PKD1L3: variants seen among roughly 807,000 people sequenced by gnomAD.
PKD1L3 encodes the protein polycystin-1-like protein 3.
PKD1L3 carries 239 observed loss-of-function variants against 184.1 expected under a neutral mutation model. The observed-to-expected ratio is 1.30, with a 90% CI of 1.17 to 1.45. The LOEUF (loss-of-function observed/expected upper bound fraction) is 1.45, where lower values mean the gene tolerates loss of function less well. Ranked by LOEUF, PKD1L3 falls within the 40% of genes most tolerant of loss-of-function variation. The probability of loss-of-function intolerance (pLI) is 0.00; values close to 1 mark genes in which losing one functional copy is unlikely to be tolerated. For synonymous variants in PKD1L3, 996 were observed against 778.8 expected (o/e 1.28, Z -4.64); for missense variants, 2,660 against 2,067.2 (o/e 1.29, Z -5.56).
chr16:71,990,319 A>G lies in PKD1L3; in HGVS notation c.546T>C (p.His182=). 6.5e-7 allele frequency: 1 copy of G among 1,548,222 alleles called. No homozygotes were observed. ...ARDKMPPGPG[H]LPTTCHYPLP... ...GAGGATAGTGACATGTGGTTGGAAG[A>G]TGACCAGGTCCTATAGAAAAAAGAA... The change falls in exon 4 of 30, where the codon CAT becomes CAC. Residue 182 remains histidine, a synonymous_variant. Coordinates refer to ENST00000620267, the MANE Select transcript of PKD1L3 (RefSeq NM_181536.2).
rs948161268 is a variant in PKD1L3, at chr16:71,969,979, C to T, written c.2080G>A (p.Val694Met). 7.2e-5 allele frequency: 112 copies of T among 1,551,624 alleles called. No individual in the cohort carries two copies. Among genetic ancestry groups the T allele is most frequent in the Non-Finnish European group, 8.8e-5 (101 of 1,147,034 alleles). ...GACACCCCAACAGGATTGTTGGTCACGCGAAGGAACAGTTTGATCGTGTCT... is the reference window on the plus strand; with the variant it reads ...GACACCCCAACAGGATTGTTGGTCATGCGAAGGAACAGTTTGATCGTGTCT... ...VEDTIKLFLR[V>M]TNNPVGVSLL... Residue 694 changes from valine to methionine, a missense_variant, in exon 13 of 30, where the codon GTG becomes ATG. By Grantham distance (21) the Val-to-Met change is conservative. Coordinates refer to ENST00000620267, the MANE Select transcript of PKD1L3 (RefSeq NM_181536.2).
At chr16:71,946,763 T>C (rs542935351) in intron 22 of PKD1L3, among the ~76,000 whole-genome samples, 17 of 27,816 alleles carry the variant, frequency 6.1e-4, no homozygotes, top group African/African-American at 3.4e-3. Flanking sequence ...TGGAGGCATC[T>C]AGCTCCAGAT....
chr16:71,957,308 T>C (rs969534922), intron 16 of PKD1L3, among the ~76,000 whole-genome samples: 1 of 151,982 alleles, frequency 6.6e-6, no homozygotes, highest in African/African-American at 2.4e-5. Context: ...ACAAAAAAGA[T>C]ACAATACGTA....
intron 7 of PKD1L3, among the ~76,000 whole-genome samples, chr16:71,980,701 G>A (rs936046580): frequency 1.3e-5 from 2 of 152,148 alleles, no homozygotes; most frequent in Non-Finnish European, 2.9e-5. Flanking sequence ...CAGGCATGGT[G>A]GTGTGCACCT....
intron 19 of PKD1L3, among the ~76,000 whole-genome samples, chr16:71,950,963 G>C (rs1046193193): frequency 1.3e-5 from 2 of 149,128 alleles, no homozygotes; most frequent in African/African-American, 5.0e-5. Context: ...GGCTGGTTTT[G>C]AACTTCTGAC....
In PKD1L3 at chr16:71,972,504, C is replaced by T. The variant is rs117764996; in HGVS notation, c.1953+820G>A. ...TTCAAGACCAGCATAGGCACCATGGCGAGACCCTGTCTGTTCAAAAATCTA... is the reference window on the plus strand; with the variant it reads ...TTCAAGACCAGCATAGGCACCATGGTGAGACCCTGTCTGTTCAAAAATCTA... On this transcript the variant is annotated intron_variant, in intron 12 of 29. Coordinates refer to ENST00000620267, the MANE Select transcript of PKD1L3 (RefSeq NM_181536.2). 3.5e-4 allele frequency among the ~76,000 whole-genome samples: 54 copies of T among 152,162 alleles called. No individual in the cohort carries two copies. In the East Asian group the frequency reaches 5.8e-3, roughly 16 times the overall value.
intron 7 of PKD1L3, 112 bp from the exon 8 acceptor site, chr16:71,980,246 G>C (rs990457764): frequency 6.0e-5 from 80 of 1,333,390 alleles, no homozygotes; most frequent in Non-Finnish European, 7.9e-5. Context: ...TGTAATGAAG[G>C]GTAGTATTCC....
chr16:71,980,300 G>C (rs921669671), intron 7 of PKD1L3, among the ~76,000 whole-genome samples, 166 bp from the exon 8 acceptor site: 3 of 152,144 alleles, frequency 2.0e-5, no homozygotes, highest in Non-Finnish European at 2.9e-5. Context: ...TTGCAACCTG[G>C]CTAAAGACTT....
chr16:71,978,494 TGTA>T, intron 9 of PKD1L3, 111 bp from the exon 10 acceptor site: 1 of 110,602 alleles, frequency 9.0e-6, no homozygotes, highest in Non-Finnish European at 1.4e-5. Flanking sequence ...TGTGTGTGTG[TGTA>T]TATATATATA....
At position 71,967,215 on chromosome 16, in the gene PKD1L3, AG is replaced by A. The variant is rs1361450077; in HGVS notation, c.2386del (p.Leu796PhefsTer8). The A allele has an allele frequency of 6.4e-7, 1 of 1,551,594 alleles. No individual in the cohort carries two copies. ...CCCTAGAGAGGTCCAAGTGGTGAGA[AG>A]GAAGACATCCAGGCCCCCTCGTTCA... Reference protein sequence around the residue: ...VFERGGLDVFLLTTWTSLGNL... With the variant: ...VFERGGLDVFXLTTWTSLGNL... On this transcript the variant is annotated frameshift_variant, in exon 15 of 30. Coordinates refer to ENST00000620267, the MANE Select transcript of PKD1L3 (RefSeq NM_181536.2). LOFTEE classifies it high-confidence loss of function.
intron 15 of PKD1L3, among the ~76,000 whole-genome samples, chr16:71,966,840 C>T (rs976084715): frequency 6.6e-6 from 1 of 152,108 alleles, no homozygotes; most frequent in African/African-American, 2.4e-5. Flanking sequence ...TAATTTGTGG[C>T]ACTTTCAGGC....
chr16:71,945,346 A>G (rs2038552351), intron 22 of PKD1L3, among the ~76,000 whole-genome samples: 1 of 119,226 alleles, frequency 8.4e-6, no homozygotes, highest in African/African-American at 3.1e-5. Context: ...ACACACATAT[A>G]TTTATATATG....
chr16:71,966,899 A>G (rs1399918153), intron 15 of PKD1L3, among the ~76,000 whole-genome samples: 1 of 152,224 alleles, frequency 6.6e-6, no homozygotes. Context: ...CATTTAATGA[A>G]AATGAGATTA....
chr16:71,976,415 C>A lies in PKD1L3; in HGVS notation c.1759+821G>T, dbSNP rs2039927482. 3.3e-5 allele frequency among the ~76,000 whole-genome samples: 5 copies of A among 151,550 alleles called. No individual in the cohort carries two copies. The South Asian group carries it at 1.0e-3, about 32-fold the overall frequency. On this transcript the variant is annotated intron_variant, in intron 11 of 29. Transcript: ENST00000620267. ...GGATTACAGGTGCCCGCCACCACAC[C>A]CATCTAATTTTTTGTATTTTTAGCA...
chr16:71,955,112 C>A (rs570380420), intron 16 of PKD1L3, among the ~76,000 whole-genome samples: 1 of 152,156 alleles, frequency 6.6e-6, no homozygotes, highest in Non-Finnish European at 1.5e-5. Flanking sequence ...ATCTGCAATA[C>A]TCCTAGTTCC....
intron 28 of PKD1L3, among the ~76,000 whole-genome samples, 176 bp downstream of exon 28, chr16:71,933,244 C>T (rs2038050618): frequency 1.3e-5 from 2 of 152,292 alleles, no homozygotes; most frequent in Admixed American, 6.5e-5. Flanking sequence ...CTGAAAGCAA[C>T]AGCCATGTAA....
intron 16 of PKD1L3, among the ~76,000 whole-genome samples, chr16:71,961,201 A>C (rs2039264858): frequency 6.6e-6 from 1 of 151,986 alleles, no homozygotes; most frequent in Non-Finnish European, 1.5e-5. Flanking sequence ...ATCTCAGCTC[A>C]CTGCAGCCTT....
chr16:71,945,388 A>ATTTATTTATTTATTTATT (rs1555514810), intron 22 of PKD1L3, among the ~76,000 whole-genome samples: 1 of 65,992 alleles, frequency 1.5e-5, no homozygotes, highest in African/African-American at 4.9e-5. Flanking sequence ...ACACACATAT[A>ATTTATTTATTTATTTATT]TATATATATA....
In PKD1L3 at chr16:71,977,278, G is replaced by T. The variant is rs1238875056; in HGVS notation, c.1717C>A (p.His573Asn). 1.3e-6 allele frequency: 2 copies of T among 1,537,996 alleles called. No individual in the cohort carries two copies. Among genetic ancestry groups the T allele is most frequent in the South Asian group, 2.4e-5 (2 of 83,748 alleles). Residue 573 changes from histidine to asparagine, a missense_variant, in exon 11 of 30, where the codon CAC (histidine) becomes AAC (asparagine). By Grantham distance (68) the His-to-Asn change is moderately conservative. Transcript: ENST00000620267. ...TCCTTTGGAAGGGTGATGTTCAGGT[G>T]GAAGTGAGTGCAGTTAGGCTGATAC... ...FQYQPNCTHF[H>N]LNITLPKDKV...
Sources: gnomAD v4.1 joint callset for allele counts (sites outside exome capture counted in the v4.1 genomes callset) on GRCh38, gnomAD v4.1.1 for gene constraint, MANE v1.5 for transcripts, NCBI Gene and HGNC (gene_info 2026-07-23, HGNC 2026-07-21) for gene names.